The following GLI2 variants were observed in gnomAD, a reference collection of about 807,000 sequenced individuals.
The protein encoded by GLI2 is GLI family zinc finger 2, also known as transcription activator GLI2.
GLI2 carries 22 observed loss-of-function variants against 78.9 expected under a neutral mutation model. The observed-to-expected ratio is 0.28, with a 90% confidence interval of 0.20 to 0.40. GLI2 has a LOEUF of 0.40. Ranked by LOEUF, GLI2 falls within the 10% of genes least tolerant of loss-of-function variation. The pLI, the probability that GLI2 is intolerant of heterozygous loss-of-function variation, is 1.00. For missense variants in GLI2, 2,097 were observed against 2,213.2 expected (o/e 0.95, Z 1.05); for synonymous variants, 974 against 963.7 (o/e 1.01, Z -0.20).
At chr2:120,864,638 A>C (rs965237223) in intron 2 of GLI2, among the ~76,000 whole-genome samples, 2 of 151,982 alleles carry the variant, frequency 1.3e-5, no homozygotes, top group African/African-American at 4.8e-5. Flanking sequence ...CACCCAGCTA[A>C]TTTTTTTGTA....
chr2:120,851,703 G>T (rs571737638), intron 2 of GLI2, among the ~76,000 whole-genome samples: 1 of 152,368 alleles, frequency 6.6e-6, no homozygotes, highest in South Asian at 2.1e-4. Context: ...GCATCAGGCA[G>T]TGGGCTTGGG....
intron 2 of GLI2, among the ~76,000 whole-genome samples, chr2:120,871,552 G>A (rs1278861518): frequency 6.6e-6 from 1 of 152,204 alleles, no homozygotes; most frequent in Non-Finnish European, 1.5e-5. Context: ...TCAGACCGTG[G>A]GTGCTAATCA....
intron 1 of GLI2, among the ~76,000 whole-genome samples, chr2:120,787,041 C>T (rs1412367932): frequency 2.0e-5 from 3 of 152,174 alleles, no homozygotes; most frequent in Non-Finnish European, 2.9e-5. Context: ...GACACGGACA[C>T]GTAAACATGT....
At chr2:120,969,241 G>T (rs114569978) in intron 6 of GLI2, among the ~76,000 whole-genome samples, 2,036 of 152,356 alleles carry the variant, frequency 0.013, 48 homozygotes, top group African/African-American at 0.045. Flanking sequence ...CAACCTTGGA[G>T]ACCACACAAA....
chr2:120,813,381 A>C (rs1039574888), intron 2 of GLI2, among the ~76,000 whole-genome samples: 5 of 152,182 alleles, frequency 3.3e-5, no homozygotes, highest in Non-Finnish European at 5.9e-5. Flanking sequence ...CATGCAGTCC[A>C]CGTGATGGCT....
intron 1 of GLI2, among the ~76,000 whole-genome samples, chr2:120,776,130 G>C (rs1683670830): frequency 6.6e-6 from 1 of 152,266 alleles, no homozygotes; most frequent in Non-Finnish European, 1.5e-5. Flanking sequence ...GCCTGGGCAG[G>C]TGAGGGATGA....
chr2:120,861,150 C>G (rs1220248199), intron 2 of GLI2, among the ~76,000 whole-genome samples: 1 of 152,198 alleles, frequency 6.6e-6, no homozygotes, highest in Non-Finnish European at 1.5e-5. Flanking sequence ...ACCCATTTTA[C>G]AGGTGAGGAA....
At chr2:120,854,905 A>G (rs1687574688) in intron 2 of GLI2, among the ~76,000 whole-genome samples, 1 of 152,204 alleles carries the variant, frequency 6.6e-6, no homozygotes. Context: ...ACACTTGGAA[A>G]GCCTCTGGTT....
intron 1 of GLI2, among the ~76,000 whole-genome samples, chr2:120,784,029 G>T (rs964496060): frequency 1.3e-5 from 2 of 152,190 alleles, no homozygotes; most frequent in African/African-American, 4.8e-5. Flanking sequence ...TAAACATCCC[G>T]TTACCAGCTG....
chr2:120,796,368 A>G (rs1457406942), intron 1 of GLI2, among the ~76,000 whole-genome samples: 1 of 152,146 alleles, frequency 6.6e-6, no homozygotes, highest in Non-Finnish European at 1.5e-5. Flanking sequence ...CTCTCCCCGA[A>G]AAGCCTGCTC....
At position 120,936,868 on chromosome 2, in the gene GLI2, C is replaced by T. The variant is rs534492763; in HGVS notation, c.254+9402C>T. Among the ~76,000 whole-genome samples the T allele has an allele frequency of 1.4e-4, 21 of 152,256 alleles. No individual in the cohort carries two copies. The South Asian group carries it at 4.2e-3, about 30-fold the overall frequency. ...TCACTTGAGGCCACTCCTGCCAGCC[C>T]GAGTCAAGGTGTTGCTGAGGGAAAA... On this transcript the variant is annotated intron_variant, in intron 3 of 13. Coordinates refer to ENST00000361492, the MANE Select transcript of GLI2 (RefSeq NM_001374353.1).
intron 1 of GLI2, among the ~76,000 whole-genome samples, chr2:120,741,669 C>A (rs1402981207): frequency 6.6e-6 from 1 of 152,090 alleles, no homozygotes; most frequent in African/African-American, 2.4e-5. Flanking sequence ...GGCTTTTCCG[C>A]CACGCGGAGC....
At chr2:120,839,661 C>G (rs561651554) in intron 2 of GLI2, among the ~76,000 whole-genome samples, 4 of 152,234 alleles carry the variant, frequency 2.6e-5, no homozygotes, top group Admixed American at 2.6e-4. Context: ...CTCCCAGGTT[C>G]AAGAGATTCT....
intron 2 of GLI2, among the ~76,000 whole-genome samples, chr2:120,844,262 G>C (rs774631931): frequency 2.0e-5 from 3 of 152,238 alleles, no homozygotes; most frequent in Non-Finnish European, 4.4e-5. Context: ...TAGATGGTAT[G>C]TGCATGATCG....
chr2:120,766,092 C>T (rs918562310), intron 1 of GLI2, among the ~76,000 whole-genome samples: 9 of 152,198 alleles, frequency 5.9e-5, no homozygotes, highest in South Asian at 4.1e-4. Context: ...CCTTGCATCA[C>T]GATGGGGAGG....
chr2:120,756,273 A>G (rs974053642), intron 1 of GLI2, among the ~76,000 whole-genome samples: 4 of 152,296 alleles, frequency 2.6e-5, no homozygotes, highest in African/African-American at 9.6e-5. Flanking sequence ...CTTTTAGTGT[A>G]CAAGTACTGT....
chr2:120,992,357 C>T lies in GLI2; in HGVS notation c.*1682C>T, dbSNP rs905728255. On this transcript the variant is annotated 3_prime_UTR_variant, in exon 14 of 14. Coordinates refer to ENST00000361492, the MANE Select transcript of GLI2 (RefSeq NM_001374353.1). ...GTATATATTCTGTACAGAAGACATC[C>T]CTGAATATACTGTAGGTGAGTCGTC... The T allele has an allele frequency of 6.6e-6, 1 of 152,158 alleles. No individual in the cohort carries two copies. The highest frequency in any genetic ancestry group is 2.4e-5 in the African/African-American group (1 of 41,426). 9.4% of individuals were successfully genotyped at this position (152,158 alleles called of 1,614,324 possible).
intron 2 of GLI2, among the ~76,000 whole-genome samples, chr2:120,905,272 G>C (rs2104794659): frequency 6.6e-6 from 1 of 152,268 alleles, no homozygotes; most frequent in African/African-American, 2.4e-5. Flanking sequence ...CTACTGCTGT[G>C]GGGAAAGTGC....
chr2:120,990,979 G>A lies in GLI2; in HGVS notation c.*304G>A, dbSNP rs747009136. 8.0e-5 allele frequency: 29 copies of A among 363,730 alleles called. No individual in the cohort carries two copies. Among genetic ancestry groups the A allele is most frequent in the African/African-American group, 1.4e-4 (7 of 49,144 alleles). 22.5% of individuals were successfully genotyped at this position (363,730 alleles called of 1,614,324 possible). A position where few individuals can be genotyped will look rare whatever the true frequency, so the allele number is the denominator to read the frequency against. On this transcript the variant is annotated 3_prime_UTR_variant, in exon 14 of 14. Coordinates refer to ENST00000361492, the MANE Select transcript of GLI2 (RefSeq NM_001374353.1). ...GACCGCGCTGTTCCGGCTTCTTCACGGCTGACATTCGGCTAACGAGGGATT... is the reference window on the plus strand; with the variant it reads ...GACCGCGCTGTTCCGGCTTCTTCACAGCTGACATTCGGCTAACGAGGGATT...
Sources: gnomAD v4.1 joint callset for allele counts (sites outside exome capture counted in the v4.1 genomes callset) on GRCh38, gnomAD v4.1.1 for gene constraint, MANE v1.5 for transcripts, NCBI Gene and HGNC (gene_info 2026-07-23, HGNC 2026-07-21) for gene names.